The following SOS2 variants were observed in gnomAD, a reference collection of about 807,000 sequenced individuals.
SOS2 encodes the protein SOS Ras/Rho guanine nucleotide exchange factor 2, also known as son of sevenless homolog 2.
In SOS2, 65 loss-of-function variants were observed where a neutral mutation model predicts 148.2. The observed-to-expected ratio is 0.44, with a 90% CI of 0.36 to 0.54. SOS2 has a LOEUF of 0.54. Ranked by LOEUF, SOS2 falls within the 20% of genes least tolerant of loss-of-function variation. The probability of loss-of-function intolerance (pLI) is 0.00; values close to 1 mark genes in which losing one functional copy is unlikely to be tolerated. For missense variants in SOS2, 1,341 were observed against 1,590.2 expected (o/e 0.84, Z 2.67); for synonymous variants, 539 against 537.1 (o/e 1.00, Z -0.05).
intron 6 of SOS2, among the ~76,000 whole-genome samples, chr14:50,181,607 C>A (rs542642257): frequency 6.6e-6 from 1 of 151,580 alleles, no homozygotes; most frequent in East Asian, 1.9e-4. Context: ...ATTATTTATA[C>A]TTAAAAATTG....
At chr14:50,190,922 G>C (rs1886111699) in intron 4 of SOS2, among the ~76,000 whole-genome samples, 1 of 152,072 alleles carries the variant, frequency 6.6e-6, no homozygotes, top group African/African-American at 2.4e-5. Context: ...GCAAAATAAA[G>C]GAAGACATAA....
chr14:50,174,176 A>C (rs186683013), intron 8 of SOS2, among the ~76,000 whole-genome samples: 2 of 108,738 alleles, frequency 1.8e-5, no homozygotes, highest in Non-Finnish European at 4.4e-5. Context: ...GAAGAGAGTC[A>C]TTTTTTTTAA....
chr14:50,135,685 C>T (rs1478825984), intron 18 of SOS2, among the ~76,000 whole-genome samples: 3 of 125,538 alleles, frequency 2.4e-5, no homozygotes, highest in African/African-American at 3.1e-5. Context: ...CTCACTCAGC[C>T]TTCCAAAGTG....
chr14:50,153,993 T>G (rs1041888682), intron 12 of SOS2, among the ~76,000 whole-genome samples: 3 of 145,826 alleles, frequency 2.1e-5, no homozygotes, highest in Non-Finnish European at 4.5e-5. Context: ...AACTGTTTTG[T>G]TTTACAGTAT....
rs199547090 is a variant in SOS2, at chr14:50,199,502, G to A, written c.510+189C>T. Among the ~76,000 whole-genome samples, 75 of 152,150 alleles carry A rather than the reference G, an allele frequency of 4.9e-4. 1 individual carries two copies. The East Asian group carries it at 0.014, about 28-fold the overall frequency. ...AGTAAAAGATTCTTGACCAAAAAAAGAGATCCCCATCCTGCCATATGCTTA... is the reference window on the plus strand; with the variant it reads ...AGTAAAAGATTCTTGACCAAAAAAAAAGATCCCCATCCTGCCATATGCTTA... On this transcript the variant is annotated intron_variant, in intron 4 of 22. Coordinates refer to ENST00000216373, the MANE Select transcript of SOS2 (RefSeq NM_006939.4).
At chr14:50,230,373 C>T (rs1887502003) in intron 1 of SOS2, among the ~76,000 whole-genome samples, 1 of 151,714 alleles carries the variant, frequency 6.6e-6, no homozygotes, top group African/African-American at 2.4e-5. Context: ...CACCTATTCA[C>T]AGTCTTTAAA....
At chr14:50,143,218 A>C (rs1393210367) in intron 16 of SOS2, among the ~76,000 whole-genome samples, 1 of 151,950 alleles carries the variant, frequency 6.6e-6, no homozygotes, top group Non-Finnish European at 1.5e-5. Context: ...GCAGCTACTC[A>C]AGAGGCTGGG....
intron 1 of SOS2, among the ~76,000 whole-genome samples, chr14:50,225,755 G>T (rs1887353418): frequency 6.6e-6 from 1 of 152,128 alleles, no homozygotes; most frequent in Non-Finnish European, 1.5e-5. Flanking sequence ...GCTTTGACTT[G>T]AAGTAATCTT....
intron 4 of SOS2, among the ~76,000 whole-genome samples, chr14:50,192,384 GTC>G (rs1472109957): frequency 6.6e-6 from 1 of 151,908 alleles, no homozygotes; most frequent in Admixed American, 6.6e-5. Flanking sequence ...GCGAAACCCT[GTC>G]TCTACTAAAA....
intron 1 of SOS2, among the ~76,000 whole-genome samples, chr14:50,229,239 AT>A (rs1414435781): frequency 1.3e-5 from 2 of 152,226 alleles, no homozygotes; most frequent in African/African-American, 4.8e-5. Flanking sequence ...TTTTCCAAAA[AT>A]ATAAAAAAAT....
intron 3 of SOS2, 82 bp downstream of exon 3, chr14:50,200,871 A>C (rs558904366): frequency 7.6e-7 from 1 of 1,310,670 alleles, no homozygotes; most frequent in African/African-American, 1.5e-5. Context: ...AGACCATGCT[A>C]CATTAATGCT....
chr14:50,188,888 C>A (rs1595007295), intron 4 of SOS2, among the ~76,000 whole-genome samples, 188 bp from the exon 5 acceptor site: 1 of 151,974 alleles, frequency 6.6e-6, no homozygotes, highest in Non-Finnish European at 1.5e-5. Flanking sequence ...CATGGTGAAA[C>A]CCTGTCTCGA....
At chr14:50,125,961 T>C (rs908105785) in intron 21 of SOS2, among the ~76,000 whole-genome samples, 20 of 152,210 alleles carry the variant, frequency 1.3e-4, no homozygotes. Context: ...TAAACATTCT[T>C]AGAGAAAATG....
At chr14:50,185,263 TA>T (rs1351307566) in intron 5 of SOS2, among the ~76,000 whole-genome samples, 14 of 152,274 alleles carry the variant, frequency 9.2e-5, no homozygotes, top group Non-Finnish European at 1.5e-4. Flanking sequence ...GATCTGACAC[TA>T]TTTAGAGGTA....
chr14:50,137,626 T>C (rs1439940937), intron 18 of SOS2, among the ~76,000 whole-genome samples: 4 of 152,180 alleles, frequency 2.6e-5, no homozygotes, highest in Admixed American at 2.6e-4. Flanking sequence ...TGATATTTCT[T>C]ACAGGTCACA....
chr14:50,170,368 T>A (rs1299363050), intron 8 of SOS2, among the ~76,000 whole-genome samples: 1 of 152,112 alleles, frequency 6.6e-6, no homozygotes, highest in African/African-American at 2.4e-5. Flanking sequence ...TAAGTAACTT[T>A]ATAACATAAT....
At chr14:50,130,940 G>C (rs1448735336) in intron 19 of SOS2, among the ~76,000 whole-genome samples, 178 bp from the exon 20 acceptor site, 1 of 152,042 alleles carries the variant, frequency 6.6e-6, no homozygotes, top group Admixed American at 6.6e-5. Context: ...GATTTGACTG[G>C]CTTAATTTTA....
chr14:50,130,230 A>T (rs560898868), intron 20 of SOS2, among the ~76,000 whole-genome samples: 2 of 152,272 alleles, frequency 1.3e-5, no homozygotes, highest in South Asian at 4.1e-4. Flanking sequence ...TTGTTTTCTT[A>T]TTCATCATCT....
At chr14:50,121,531 AGGG>A (rs869254200) in intron 21 of SOS2, among the ~76,000 whole-genome samples, 3 of 6,964 alleles carry the variant, frequency 4.3e-4, no homozygotes, top group Admixed American at 2.3e-3. Context: ...TTCCTGGGGG[AGGG>A]GGGGGAGTCC....
Sources: gnomAD v4.1 joint callset for allele counts (sites outside exome capture counted in the v4.1 genomes callset) on GRCh38, gnomAD v4.1.1 for gene constraint, MANE v1.5 for transcripts, NCBI Gene and HGNC (gene_info 2026-07-23, HGNC 2026-07-21) for gene names.